Variants in DPP10 observed in about 807,000 individuals in gnomAD.
DPP10 encodes the protein dipeptidyl peptidase like 10.
Under a neutral mutation model 120.9 loss-of-function variants are expected in DPP10, and 33 were observed. That is an observed-to-expected ratio of 0.27 (90% CI 0.21 to 0.37). The LOEUF (loss-of-function observed/expected upper bound fraction) is 0.37. Among genes scored for constraint, DPP10 ranks in the 10% least tolerant of loss-of-function variants. DPP10 has a pLI of 1.00. For synonymous variants in DPP10, 337 were observed against 326.1 expected (o/e 1.03, Z -0.36); for missense variants, 816 against 942.8 (o/e 0.87, Z 1.76).
At chr2:114,855,230 G>A (rs932054755) in intron 1 of DPP10, among the ~76,000 whole-genome samples, 1 of 152,142 alleles carries the variant, frequency 6.6e-6, no homozygotes, top group Non-Finnish European at 1.5e-5. Flanking sequence ...ACTTTATTGA[G>A]AATACCAAGC....
At chr2:115,609,807 G>C (rs1445978663) in intron 5 of DPP10, among the ~76,000 whole-genome samples, 1 of 151,998 alleles carries the variant, frequency 6.6e-6, no homozygotes, top group Non-Finnish European at 1.5e-5. Flanking sequence ...TATTTATAAG[G>C]TCATGAATAG....
intron 1 of DPP10, among the ~76,000 whole-genome samples, chr2:115,280,709 A>G (rs2060124541): frequency 1.3e-5 from 2 of 152,202 alleles, no homozygotes; most frequent in Admixed American, 1.3e-4. Flanking sequence ...AATTTTTCCC[A>G]TTCAGTGTGA....
intron 5 of DPP10, among the ~76,000 whole-genome samples, chr2:115,625,517 G>A (rs2085291440): frequency 6.6e-6 from 1 of 152,012 alleles, no homozygotes; most frequent in South Asian, 2.1e-4. Context: ...TAAACGTTAA[G>A]GTATTCAAGA....
chr2:115,697,813 G>A (rs1043979025), intron 7 of DPP10, among the ~76,000 whole-genome samples: 10 of 151,846 alleles, frequency 6.6e-5, no homozygotes, highest in Admixed American at 6.6e-4. Flanking sequence ...GTGAAACCCC[G>A]CCTCCACTAA....
chr2:115,510,354 C>G (rs917625936), intron 4 of DPP10, among the ~76,000 whole-genome samples: 2 of 152,114 alleles, frequency 1.3e-5, no homozygotes, highest in African/African-American at 2.4e-5. Context: ...GAAAGAGGTC[C>G]ACATTTATTC....
chr2:114,467,265 T>C (rs1679479870), intron 1 of DPP10, among the ~76,000 whole-genome samples: 1 of 152,124 alleles, frequency 6.6e-6, no homozygotes, highest in Non-Finnish European at 1.5e-5. Context: ...CTTAGAGAGG[T>C]CAGCAAGTAA....
chr2:115,025,298 CCA>C (rs1321524657), intron 1 of DPP10, among the ~76,000 whole-genome samples: 1 of 152,060 alleles, frequency 6.6e-6, no homozygotes, highest in African/African-American at 2.4e-5. Flanking sequence ...GTAACAACTC[CCA>C]GTTTCATCCA....
intron 1 of DPP10, among the ~76,000 whole-genome samples, chr2:114,718,315 C>T (rs1253978460): frequency 2.1e-5 from 3 of 145,848 alleles, no homozygotes; most frequent in East Asian, 2.1e-4. Context: ...GCAGGAGAAT[C>T]GCTTGATCCT....
At chr2:114,476,808 G>GTACACAGTGAAATGTA (rs2104645441) in intron 1 of DPP10, among the ~76,000 whole-genome samples, 1 of 152,212 alleles carries the variant, frequency 6.6e-6, no homozygotes, top group South Asian at 2.1e-4. Flanking sequence ...AGATACCCAT[G>GTACACAGTGAAATGTA]CCTGTATAGT....
chr2:115,622,510 C>CTTTTTTTTTTTTTTTTTTTTTTG (rs70941082), intron 5 of DPP10, among the ~76,000 whole-genome samples: 1 of 117,446 alleles, frequency 8.5e-6, no homozygotes, highest in Non-Finnish European at 1.7e-5. Flanking sequence ...ATTTTATTGT[C>CTTTTTTTTTTTTTTTTTTTTTTG]TTTTTTTTTT....
chr2:115,543,987 C>G (rs2079337409), intron 5 of DPP10, among the ~76,000 whole-genome samples: 1 of 150,988 alleles, frequency 6.6e-6, no homozygotes, highest in Non-Finnish European at 1.5e-5. Flanking sequence ...AATTAATTAC[C>G]TTAACAAATT....
chr2:115,265,737 G>T (rs941671735), intron 1 of DPP10, among the ~76,000 whole-genome samples: 1 of 152,056 alleles, frequency 6.6e-6, no homozygotes, highest in Non-Finnish European at 1.5e-5. Context: ...CATATCTCCA[G>T]TATTATTAAA....
chr2:114,858,195 G>T (rs1417712334), intron 1 of DPP10, among the ~76,000 whole-genome samples: 1 of 152,046 alleles, frequency 6.6e-6, no homozygotes, highest in Non-Finnish European at 1.5e-5. Context: ...TCACCGTGTT[G>T]CCCAGGCTGG....
At chr2:114,457,007 T>A (rs17048374) in intron 1 of DPP10, among the ~76,000 whole-genome samples, 1,722 of 152,306 alleles carry the variant, frequency 0.011, 27 homozygotes, top group African/African-American at 0.04. Context: ...CTATGCCTGA[T>A]CTAACTCCAT....
intron 5 of DPP10, among the ~76,000 whole-genome samples, chr2:115,557,659 C>G: frequency 6.6e-6 from 1 of 152,150 alleles, no homozygotes; most frequent in East Asian, 1.9e-4. Flanking sequence ...ACATACCCAG[C>G]ACATTTTTCC....
chr2:115,789,302 T>C (rs1426560409), intron 17 of DPP10, among the ~76,000 whole-genome samples: 1 of 152,226 alleles, frequency 6.6e-6, no homozygotes, highest in Non-Finnish European at 1.5e-5. Context: ...ATGGCCATAT[T>C]GGGTTTACCC....
chr2:114,497,432 T>TGCATCTATATAGATGCATCTATATAG (rs1682771680), intron 1 of DPP10, among the ~76,000 whole-genome samples: 1 of 149,198 alleles, frequency 6.7e-6, no homozygotes, highest in African/African-American at 2.5e-5. Flanking sequence ...TCTATATATA[T>TGCATCTATATAGATGCATCTATATAG]ATGCATATAT....
At chr2:114,450,116 A>C (rs1331652563) in intron 1 of DPP10, among the ~76,000 whole-genome samples, 1 of 152,156 alleles carries the variant, frequency 6.6e-6, no homozygotes, top group Non-Finnish European at 1.5e-5. Flanking sequence ...GAATTGTATC[A>C]TGGAATAAAT....
At chr2:114,483,247 A>C (rs1681217314) in intron 1 of DPP10, among the ~76,000 whole-genome samples, 1 of 152,050 alleles carries the variant, frequency 6.6e-6, no homozygotes, top group African/African-American at 2.4e-5. Context: ...TATTCTTCAG[A>C]ATACTGAACT....
Sources: allele counts gnomAD v4.1 joint callset (sites outside exome capture counted in the v4.1 genomes callset), GRCh38; gene constraint gnomAD v4.1.1; transcripts MANE v1.5; gene names NCBI Gene and HGNC (gene_info 2026-07-23, HGNC 2026-07-21).